The following HS3ST2 variants were observed in gnomAD, a reference collection of about 807,000 sequenced individuals.
HS3ST2 encodes the protein heparan sulfate glucosamine 3-O-sulfotransferase 2.
HS3ST2 carries 17 observed loss-of-function variants against 26.3 expected under a neutral mutation model. The ratio of observed to expected loss-of-function variants is 0.65; its 90% CI spans 0.44 to 0.97. The LOEUF (loss-of-function observed/expected upper bound fraction) is 0.97, where lower values mean the gene tolerates loss of function less well. Ranked by LOEUF, HS3ST2 falls within the 50% of genes least tolerant of loss-of-function variation. The probability of loss-of-function intolerance (pLI) is 0.00; values close to 1 mark genes in which losing one functional copy is unlikely to be tolerated. For missense variants in HS3ST2, 402 were observed against 501.2 expected (o/e 0.80, Z 1.89); for synonymous variants, 237 against 219.2 (o/e 1.08, Z -0.72).
At chr16:22,902,348 C>T (rs1902290959) in intron 1 of HS3ST2, among the ~76,000 whole-genome samples, 1 of 152,162 alleles carries the variant, frequency 6.6e-6, no homozygotes, top group South Asian at 2.1e-4. Context: ...AACAAACAAA[C>T]CCCTAGGAAA....
intron 1 of HS3ST2, among the ~76,000 whole-genome samples, chr16:22,906,132 G>A (rs939341580): frequency 1.4e-4 from 22 of 152,196 alleles, no homozygotes; most frequent in Admixed American, 7.8e-4. Flanking sequence ...CAGCACTTTG[G>A]GAGGCTGAGG....
At chr16:22,826,589 A>G (rs1901089821) in intron 1 of HS3ST2, among the ~76,000 whole-genome samples, 1 of 152,190 alleles carries the variant, frequency 6.6e-6, no homozygotes, top group Non-Finnish European at 1.5e-5. Flanking sequence ...AACCTTGTCT[A>G]TCATATTCAT....
At chr16:22,863,324 T>G (rs1901705364) in intron 1 of HS3ST2, among the ~76,000 whole-genome samples, 1 of 152,258 alleles carries the variant, frequency 6.6e-6, no homozygotes, top group Non-Finnish European at 1.5e-5. Context: ...TCCACACATG[T>G]GGGTGTCCTC....
At chr16:22,894,711 C>A in intron 1 of HS3ST2, among the ~76,000 whole-genome samples, 1 of 147,310 alleles carries the variant, frequency 6.8e-6, no homozygotes, top group South Asian at 2.1e-4. Context: ...CCAGCCTGGG[C>A]AACATGGGTG....
At position 22,858,231 on chromosome 16, in the gene HS3ST2, G is replaced by A. The variant is rs569967747; in HGVS notation, c.485+43136G>A. ...TGTAACCCAAAGGCTAAGTGCTTGA[G>A]GGGATGGATACCCCATTTACCTTGA... On this transcript the variant is annotated intron_variant, in intron 1 of 1. Coordinates refer to ENST00000261374, the MANE Select transcript of HS3ST2 (RefSeq NM_006043.2). Among the ~76,000 whole-genome samples the A allele has an allele frequency of 2.0e-5, 3 of 151,720 alleles. No homozygotes were observed. In the East Asian group the frequency reaches 5.8e-4, roughly 29 times the overall value.
chr16:22,903,829 G>A (rs1902313537), intron 1 of HS3ST2, among the ~76,000 whole-genome samples: 1 of 152,100 alleles, frequency 6.6e-6, no homozygotes, highest in Non-Finnish European at 1.5e-5. Flanking sequence ...GCAAGCCGTG[G>A]GTCACAATAG....
intron 1 of HS3ST2, among the ~76,000 whole-genome samples, chr16:22,906,126 A>T (rs928241676): frequency 7.9e-5 from 12 of 152,186 alleles, no homozygotes; most frequent in Admixed American, 7.2e-4. Flanking sequence ...TAATCCCAGC[A>T]CTTTGGGAGG....
intron 1 of HS3ST2, among the ~76,000 whole-genome samples, chr16:22,842,058 CTTTCTTT>C (rs1901366262): frequency 2.4e-5 from 3 of 124,552 alleles, no homozygotes; most frequent in Middle Eastern, 4.2e-3. Context: ...TTTTTCTTTT[CTTTCTTT>C]TTTTTTTTTT....
intron 1 of HS3ST2, chr16:22,833,162 T>G: frequency 2.2e-6 from 1 of 452,622 alleles, no homozygotes; most frequent in South Asian, 1.6e-5. Context: ...ACAGAGAGAG[T>G]AGCCATTAAA....
intron 1 of HS3ST2, among the ~76,000 whole-genome samples, chr16:22,874,452 A>G (rs1391064940): frequency 6.6e-6 from 1 of 152,172 alleles, no homozygotes; most frequent in African/African-American, 2.4e-5. Flanking sequence ...AGCAAAGCCT[A>G]GACACCGCTG....
At chr16:22,850,029 T>A (rs1326931274) in intron 1 of HS3ST2, among the ~76,000 whole-genome samples, 1 of 152,160 alleles carries the variant, frequency 6.6e-6, no homozygotes, top group Non-Finnish European at 1.5e-5. Context: ...TACAATAAAA[T>A]ACAGGATTCC....
chr16:22,829,660 A>C (rs1901140486), intron 1 of HS3ST2, among the ~76,000 whole-genome samples: 1 of 152,192 alleles, frequency 6.6e-6, no homozygotes, highest in South Asian at 2.1e-4. Flanking sequence ...AGGTCTTAGA[A>C]ATAGGTACTA....
chr16:22,909,348 G>C (rs1158486038), intron 1 of HS3ST2, among the ~76,000 whole-genome samples: 5 of 152,182 alleles, frequency 3.3e-5, no homozygotes, highest in Non-Finnish European at 5.9e-5. Flanking sequence ...GAGCTACATA[G>C]AAAACAAAGG....
chr16:22,825,421 T>C (rs765120739), intron 1 of HS3ST2, among the ~76,000 whole-genome samples: 5 of 152,194 alleles, frequency 3.3e-5, no homozygotes, highest in Non-Finnish European at 5.9e-5. Flanking sequence ...TCTGGGCTCT[T>C]CACTGTTTGG....
chr16:22,897,427 T>A (rs999577503), intron 1 of HS3ST2, among the ~76,000 whole-genome samples: 2 of 152,198 alleles, frequency 1.3e-5, no homozygotes, highest in Non-Finnish European at 2.9e-5. Context: ...TCCCTTTGGC[T>A]GCACCAATAT....
At chr16:22,829,089 G>A (rs1901132246) in intron 1 of HS3ST2, among the ~76,000 whole-genome samples, 1 of 152,226 alleles carries the variant, frequency 6.6e-6, no homozygotes, top group Admixed American at 6.5e-5. Context: ...GAACCTCTGA[G>A]CACCTCCTTC....
At position 22,888,384 on chromosome 16, in the gene HS3ST2, T is replaced by TCTTTTTTTTC. The variant is rs1555514091; in HGVS notation, c.486-26560_486-26559insCTTTTTTTTC. 7.6e-4 allele frequency among the ~76,000 whole-genome samples: 102 copies of TCTTTTTTTTC among 133,782 alleles called. 1 individual carries two copies. The highest frequency in any genetic ancestry group is 2.9e-3 in the Admixed American group (37 of 12,870). The allele number at this position is 133,782 out of a possible 152,430, so 87.8% of individuals were successfully genotyped here. A position where few individuals can be genotyped will look rare whatever the true frequency, so the allele number is the denominator to read the frequency against. Reference sequence around the variant, plus strand: ...TGTCTCTGGCTTTTCTTTTTTTTTTTTTTTTTTTCTTTTTTTTTTTGAGAC... The same window carrying TCTTTTTTTTC: ...TGTCTCTGGCTTTTCTTTTTTTTTTTCTTTTTTTTCTTTTTTTTCTTTTTTTTTTTGAGAC... On this transcript the variant is annotated intron_variant, in intron 1 of 1. Transcript: ENST00000261374.
chr16:22,904,576 CGAT>C (rs1423843991), intron 1 of HS3ST2, among the ~76,000 whole-genome samples: 2 of 152,116 alleles, frequency 1.3e-5, no homozygotes, highest in African/African-American at 4.8e-5. Context: ...GTGGAGGTGA[CGAT>C]GAGCTGAGAG....
At chr16:22,818,142 T>C (rs562459604) in intron 1 of HS3ST2, among the ~76,000 whole-genome samples, 106 of 152,210 alleles carry the variant, frequency 7.0e-4, no homozygotes, top group African/African-American at 2.4e-3. Context: ...GCCTGGGTTC[T>C]CCCCCACCCA....
Sources: allele counts gnomAD v4.1 joint callset (sites outside exome capture counted in the v4.1 genomes callset), GRCh38; gene constraint gnomAD v4.1.1; transcripts MANE v1.5; gene names NCBI Gene and HGNC (gene_info 2026-07-23, HGNC 2026-07-21).